The following NLRP8 variants were observed in gnomAD, a reference collection of about 807,000 sequenced individuals.
The protein encoded by NLRP8 is NLR family pyrin domain containing 8.
A neutral mutation model predicts 88.7 loss-of-function variants in NLRP8; 86 were observed. The ratio of observed to expected loss-of-function variants is 0.97; its 90% CI spans 0.81 to 1.16. The LOEUF (loss-of-function observed/expected upper bound fraction) is 1.16. NLRP8 is among the 50% of genes most tolerant of loss of function. NLRP8 has a pLI of 0.00. For synonymous variants in NLRP8, 504 were observed against 494.6 expected (o/e 1.02, Z -0.25); for missense variants, 1,342 against 1,286.5 (o/e 1.04, Z -0.66).
In NLRP8 at chr19:55,947,865, T is replaced by A. The variant is rs1415781642; in HGVS notation, c.-38T>A. 1 of 1,566,196 alleles carries A rather than the reference T, an allele frequency of 6.4e-7. No individual in the cohort carries two copies. The highest frequency in any genetic ancestry group is 1.8e-5 in the Admixed American group (1 of 55,900). On this transcript the variant is annotated 5_prime_UTR_variant, in exon 1 of 10. Coordinates refer to ENST00000291971, the MANE Select transcript of NLRP8 (RefSeq NM_176811.2). ...TTTCTCTCTTCCAATCGGTTGTCTT[T>A]ATCGTGGACACTGAGGTGTTCTCTG...
chr19:55,974,237 C>A (rs1980207426), intron 7 of NLRP8, among the ~76,000 whole-genome samples: 1 of 150,818 alleles, frequency 6.6e-6, no homozygotes, highest in South Asian at 2.1e-4. Flanking sequence ...GGGCTTCTGG[C>A]CGAGTTAGGT....
Position 55,947,927 on chromosome 19 carries a change from G to T in NLRP8, c.25G>T (p.Asp9Tyr). The T allele has an allele frequency of 6.2e-7, 1 of 1,612,738 alleles. No homozygotes were observed. The highest frequency in any genetic ancestry group is 1.1e-5 in the South Asian group (1 of 90,892). ...GATGAGTGACGTGAATCCACCCTCT[G>T]ACACCCCCATTCCCTTTTCATCCTC... The change falls in exon 1 of 10, where the codon GAC becomes TAC. Residue 9 changes from aspartate (D) to tyrosine (Y), a missense_variant. Asp to Tyr is a radical substitution (Grantham distance 160). Coordinates refer to ENST00000291971, the MANE Select transcript of NLRP8 (RefSeq NM_176811.2).
chr19:55,951,790 C>T (rs748447834), intron 1 of NLRP8, among the ~76,000 whole-genome samples: 2 of 152,176 alleles, frequency 1.3e-5, no homozygotes, highest in East Asian at 1.9e-4. Context: ...TACTCTATTA[C>T]CCAGGTTGGA....
chr19:55,976,745 G>T (rs1980353583), intron 8 of NLRP8, among the ~76,000 whole-genome samples: 1 of 150,120 alleles, frequency 6.7e-6, no homozygotes, highest in African/African-American at 2.4e-5. Flanking sequence ...TGTATATAAA[G>T]ATGTATCTAA....
Position 55,957,675 on chromosome 19 carries a change from AT to A in NLRP8, c.2042+1576del, listed in dbSNP as rs1979425449. Among the ~76,000 whole-genome samples, 24 of 105,568 alleles carry A rather than the reference AT, an allele frequency of 2.3e-4. 1 individual carries two copies. Among genetic ancestry groups the A allele is most frequent in the African/African-American group, 6.9e-4 (15 of 21,874 alleles). 69.3% of individuals were successfully genotyped at this position (105,568 alleles called of 152,430 possible). On this transcript the variant is annotated intron_variant, in intron 3 of 9. Transcript: ENST00000291971. The stretch of plus-strand genomic sequence containing the variant: ...TCTTAAAAAAGAAAAAATAATAATT[AT>A]ATATATATATATATATATATATATA...
chr19:55,955,328 A>G lies in NLRP8; in HGVS notation c.1270A>G (p.Thr424Ala). 1 of 1,614,064 alleles carries G rather than the reference A, an allele frequency of 6.2e-7. No individual in the cohort carries two copies. Among genetic ancestry groups the G allele is most frequent in the Non-Finnish European group, 8.5e-7 (1 of 1,180,014 alleles). The change falls in exon 3 of 10, where the codon ACC becomes GCC. Residue 424 changes from threonine (T) to alanine (A), a missense_variant. Coordinates refer to ENST00000291971, the MANE Select transcript of NLRP8 (RefSeq NM_176811.2). ...TCTCACACAGTCATGTCCAAATGCC[A>G]CCTCTGTGTTCGTCCGGTATATTTC...
chr19:55,979,206 T>G (rs572004642), intron 8 of NLRP8, among the ~76,000 whole-genome samples, 188 bp from the exon 9 acceptor site: 2 of 152,366 alleles, frequency 1.3e-5, no homozygotes, highest in African/African-American at 4.8e-5. Flanking sequence ...AGGAATACTA[T>G]AGCCTGCTCT....
At chr19:55,986,485 C>CACAT (rs1555759220) in intron 9 of NLRP8, among the ~76,000 whole-genome samples, 3 of 150,504 alleles carry the variant, frequency 2.0e-5, no homozygotes, top group African/African-American at 7.4e-5. Context: ...CACACACACA[C>CACAT]ACACACACAC....
At position 55,976,263 on chromosome 19, in the gene NLRP8, G is replaced by A; in HGVS notation, c.2836G>A (p.Glu946Lys). 1 of 1,613,234 alleles carries A rather than the reference G, an allele frequency of 6.2e-7. No individual in the cohort carries two copies. Among genetic ancestry groups the A allele is most frequent in the South Asian group, 1.1e-5 (1 of 90,888 alleles). ...GGATGATGGGGTGATCCTGCTGTGT[G>A]AGGCCCTGAAGAACCCTGACTGTAC... Residue 946 changes from glutamate to lysine, a missense_variant, in exon 8 of 10, where the codon GAG becomes AAG. Transcript: ENST00000291971.
chr19:55,966,083 G>T, intron 4 of NLRP8, 130 bp from the exon 5 acceptor site: 1 of 726,898 alleles, frequency 1.4e-6, no homozygotes, highest in Non-Finnish European at 2.4e-6. Context: ...CCTGAATTCA[G>T]TTGTAAACCC....
At position 55,955,562 on chromosome 19, in the gene NLRP8, C is replaced by A. The variant is rs560228163; in HGVS notation, c.1504C>A (p.His502Asn). 1.7e-5 allele frequency: 28 copies of A among 1,614,048 alleles called. 1 individual carries two copies. The highest frequency in any genetic ancestry group is 2.4e-5 in the Non-Finnish European group (28 of 1,180,044). Reference sequence around the variant, plus strand: ...TCGGAGAATTGCAGGTGAGGAAGACCACTATGTCTTTACCCTCGTGACTTT... The same window carrying A: ...TCGGAGAATTGCAGGTGAGGAAGACAACTATGTCTTTACCCTCGTGACTTT... The change falls in exon 3 of 10, where the codon CAC (histidine) becomes AAC (asparagine). Residue 502 changes from histidine (H) to asparagine (N), a missense_variant. Coordinates refer to ENST00000291971, the MANE Select transcript of NLRP8 (RefSeq NM_176811.2).
intron 3 of NLRP8, among the ~76,000 whole-genome samples, chr19:55,957,544 G>GCT (rs1979407579): frequency 6.6e-6 from 1 of 151,586 alleles, no homozygotes; most frequent in Non-Finnish European, 1.5e-5. Context: ...AAATTAGCCA[G>GCT]GCATGGTGGC....
rs1012300783 is a variant in NLRP8 at position 55,987,992 on chromosome 19, C to T, written c.*79C>T. The T allele has an allele frequency of 1.9e-6, 2 of 1,064,806 alleles. No homozygotes were observed. Among genetic ancestry groups the T allele is most frequent in the African/African-American group, 1.6e-5 (1 of 64,256 alleles). 66.0% of individuals were successfully genotyped at this position (1,064,806 alleles called of 1,614,324 possible). ...CTGGCAAATACCAGGCGTTATCATCCTGTATGCATTAACGTACTTTCCCCT... is the reference window on the plus strand; with the variant it reads ...CTGGCAAATACCAGGCGTTATCATCTTGTATGCATTAACGTACTTTCCCCT... On this transcript the variant is annotated 3_prime_UTR_variant, in exon 10 of 10. Coordinates refer to ENST00000291971, the MANE Select transcript of NLRP8 (RefSeq NM_176811.2).
chr19:55,952,089 A>G (rs1979120255), intron 1 of NLRP8, among the ~76,000 whole-genome samples: 1 of 151,918 alleles, frequency 6.6e-6, no homozygotes. Flanking sequence ...TTATTGTTGT[A>G]TTTTTATTGG....
At chr19:55,961,692 C>T (rs1448910960) in intron 3 of NLRP8, among the ~76,000 whole-genome samples, 1 of 152,158 alleles carries the variant, frequency 6.6e-6, no homozygotes, top group African/African-American at 2.4e-5. Flanking sequence ...ACCCCAGCTC[C>T]TCAGGCAGAT....
At chr19:55,980,427 G>A (rs1475879842) in intron 9 of NLRP8, among the ~76,000 whole-genome samples, 7 of 152,168 alleles carry the variant, frequency 4.6e-5, no homozygotes, top group East Asian at 1.9e-4. Flanking sequence ...ACATAAAGGC[G>A]TATTGTCTTA....
chr19:55,950,854 A>C (rs537896636), intron 1 of NLRP8, among the ~76,000 whole-genome samples: 34 of 152,210 alleles, frequency 2.2e-4, no homozygotes, highest in Non-Finnish European at 4.7e-4. Context: ...CCGAGGCGGG[A>C]GGATCATGAG....
Position 55,948,083 on chromosome 19 carries a change from C to G in NLRP8, c.181C>G (p.Leu61Val), listed in dbSNP as rs1480347493. The G allele has an allele frequency of 1.9e-6, 3 of 1,614,022 alleles. No homozygotes were observed. In the African/African-American group the frequency reaches 4.0e-5, roughly 22 times the overall value. Residue 61 changes from leucine (L) to valine (V), a missense_variant, in exon 1 of 10, where the codon CTG becomes GTG. Leu to Val is a conservative substitution (Grantham distance 32, BLOSUM62 1). Coordinates refer to ENST00000291971, the MANE Select transcript of NLRP8 (RefSeq NM_176811.2). ...GCTACAACGGTTCAAGCAGCTCTTA[C>G]TGACTGAGCTCAGTACTGGCACCAT...
At chr19:55,976,064 GTT>G in intron 7 of NLRP8, 67 bp from the exon 8 acceptor site, 1 of 1,277,148 alleles carries the variant, frequency 7.8e-7, no homozygotes, top group Non-Finnish European at 1.0e-6. Context: ...GGGTGTTTTC[GTT>G]GTTGTTGTTG....
Sources: gnomAD v4.1 joint callset for allele counts (sites outside exome capture counted in the v4.1 genomes callset) on GRCh38, gnomAD v4.1.1 for gene constraint, MANE v1.5 for transcripts, NCBI Gene and HGNC (gene_info 2026-07-23, HGNC 2026-07-21) for gene names.